The following RUSC2 variants were observed in gnomAD, a reference collection of about 807,000 sequenced individuals.
The protein encoded by RUSC2 is RUN and SH3 domain containing 2, also known as AP-4 complex accessory subunit RUSC2.
A neutral mutation model predicts 122.2 loss-of-function variants in RUSC2; 34 were observed. That is an observed-to-expected ratio of 0.28 (90% CI 0.21 to 0.37). The LOEUF (loss-of-function observed/expected upper bound fraction) is 0.37. Among genes scored for constraint, RUSC2 ranks in the 10% least tolerant of loss-of-function variants. RUSC2 has a pLI of 1.00. For synonymous variants in RUSC2, 784 were observed against 790.0 expected (o/e 0.99, Z 0.13); for missense variants, 1,747 against 1,952.4 (o/e 0.89, Z 1.98).
intron 2 of RUSC2, 142 bp from the exon 3 acceptor site, chr9:35,554,918 C>G: frequency 3.5e-6 from 3 of 855,528 alleles, no homozygotes; most frequent in Non-Finnish European, 5.6e-6. Flanking sequence ...GAGCAGTGTC[C>G]CATTCCACGA....
rs571729916 is a variant in RUSC2, at chr9:35,556,994, G to A, written c.2983+546G>A. ...TCACGCTCCGGTCCCTTCCTGCAGTGAGCAAAGTCTCATGAGGAGGCTTCC... is the reference window on the plus strand; with the variant it reads ...TCACGCTCCGGTCCCTTCCTGCAGTAAGCAAAGTCTCATGAGGAGGCTTCC... On this transcript the variant is annotated intron_variant, in intron 5 of 11. Transcript: ENST00000361226. Among the ~76,000 whole-genome samples, 319 of 152,236 alleles carry A rather than the reference G, an allele frequency of 2.1e-3. 1 individual carries two copies. The highest frequency in any genetic ancestry group is 7.3e-3 in the African/African-American group (305 of 41,538).
chr9:35,558,317 A>G lies in RUSC2; in HGVS notation c.3181A>G (p.Ile1061Val). 1 of 1,614,166 alleles carries G rather than the reference A, an allele frequency of 6.2e-7. No homozygotes were observed. The highest frequency in any genetic ancestry group is 1.1e-5 in the South Asian group (1 of 91,082). ...CAAGGCCTTTGTACTGGACGTCATC[A>G]TCGGGCAGCGTAAGAACATGCCATG... ...GLKAFVLDVI[I>V]GQRKNMPWSV... Residue 1061 changes from isoleucine (I) to valine (V), a missense_variant, in exon 7 of 12, where the codon ATC (isoleucine) becomes GTC (valine). Ile to Val is a conservative substitution (Grantham distance 29, BLOSUM62 3). Coordinates refer to ENST00000361226, the MANE Select transcript of RUSC2 (RefSeq NM_014806.5). The surrounding 1 kb of genome is among the most constrained non-coding windows in gnomAD (Gnocchi z 4.3).
chr9:35,503,220 T>G (rs1238652548), intron 1 of RUSC2, among the ~76,000 whole-genome samples: 1 of 152,128 alleles, frequency 6.6e-6, no homozygotes, highest in Non-Finnish European at 1.5e-5. Flanking sequence ...CTGAGCAGTG[T>G]ACACTATGCC....
chr9:35,518,576 G>A (rs1309997231), intron 1 of RUSC2, among the ~76,000 whole-genome samples: 1 of 152,134 alleles, frequency 6.6e-6, no homozygotes, highest in East Asian at 1.9e-4. Flanking sequence ...AAGTCCCTAG[G>A]ACCCCAGTCT....
Position 35,496,608 on chromosome 9 carries a change from A to G in RUSC2, c.-93+6436A>G, listed in dbSNP as rs373442763. Among the ~76,000 whole-genome samples, 11 of 152,272 alleles carry G rather than the reference A, an allele frequency of 7.2e-5. No homozygotes were observed. In the East Asian group the frequency reaches 1.9e-3, roughly 27 times the overall value. ...CCTATTTGAATATCCTAAATTTCCC[A>G]TAAGAGTTGTTATGAATGTAACATG... On this transcript the variant is annotated intron_variant, in intron 1 of 11. Coordinates refer to ENST00000361226, the MANE Select transcript of RUSC2 (RefSeq NM_014806.5).
chr9:35,543,760 C>T (rs902492764), intron 1 of RUSC2, among the ~76,000 whole-genome samples: 8 of 152,142 alleles, frequency 5.3e-5, no homozygotes, highest in Non-Finnish European at 1.0e-4. Flanking sequence ...TGAGCCACCA[C>T]GCCTGGCCTG....
At chr9:35,493,044 T>G (rs1820600330) in intron 1 of RUSC2, among the ~76,000 whole-genome samples, 1 of 152,284 alleles carries the variant, frequency 6.6e-6, no homozygotes, top group African/African-American at 2.4e-5. Context: ...GTTATATAGA[T>G]AAACTCATTT....
At chr9:35,531,506 A>G (rs1170761730) in intron 1 of RUSC2, among the ~76,000 whole-genome samples, 1 of 152,156 alleles carries the variant, frequency 6.6e-6, no homozygotes, top group Non-Finnish European at 1.5e-5. Flanking sequence ...GCAATAGAGG[A>G]AGTGGTTAAG....
chr9:35,545,746 CATACT>C (rs1821731088), intron 1 of RUSC2, among the ~76,000 whole-genome samples: 1 of 152,140 alleles, frequency 6.6e-6, no homozygotes, highest in Non-Finnish European at 1.5e-5. Context: ...TGACATCAGT[CATACT>C]TGCAGTCACC....
chr9:35,498,170 T>C (rs63371960), intron 1 of RUSC2, among the ~76,000 whole-genome samples: 70 of 142,788 alleles, frequency 4.9e-4, no homozygotes, highest in African/African-American at 1.4e-3. Flanking sequence ...TTTTTTTTTT[T>C]CCCAATTTGT....
chr9:35,502,738 G>A (rs1012463981), intron 1 of RUSC2, among the ~76,000 whole-genome samples: 4 of 152,178 alleles, frequency 2.6e-5, no homozygotes, highest in Non-Finnish European at 5.9e-5. Flanking sequence ...GTTTGAATGA[G>A]CCATAACTTG....
chr9:35,508,097 T>C (rs928175819), intron 1 of RUSC2, among the ~76,000 whole-genome samples: 20 of 152,186 alleles, frequency 1.3e-4, no homozygotes, highest in African/African-American at 4.8e-4. Context: ...ATGCTGTTGG[T>C]AGTCTTGACT....
chr9:35,499,785 C>T (rs1016580106), intron 1 of RUSC2, among the ~76,000 whole-genome samples: 23 of 152,092 alleles, frequency 1.5e-4, no homozygotes, highest in South Asian at 4.1e-4. Context: ...TTTTTATCCA[C>T]GCCCAGGCAA....
intron 1 of RUSC2, among the ~76,000 whole-genome samples, chr9:35,497,615 A>G (rs1820744762): frequency 6.6e-6 from 1 of 152,214 alleles, no homozygotes; most frequent in Admixed American, 6.5e-5. Flanking sequence ...TTATACCCCA[A>G]GAAGATCTCC....
intron 2 of RUSC2, among the ~76,000 whole-genome samples, chr9:35,551,516 T>G (rs1166311680): frequency 6.6e-6 from 1 of 152,102 alleles, no homozygotes; most frequent in Non-Finnish European, 1.5e-5. Flanking sequence ...TAGACTGCAG[T>G]GTCTGTCTGC....
intron 1 of RUSC2, among the ~76,000 whole-genome samples, chr9:35,502,295 C>T (rs1043611246): frequency 1.3e-5 from 2 of 152,128 alleles, no homozygotes; most frequent in Non-Finnish European, 2.9e-5. Context: ...CAAACCCCAC[C>T]CCCTAAGAAA....
chr9:35,527,280 G>A (rs1821342718), intron 1 of RUSC2, among the ~76,000 whole-genome samples: 1 of 151,968 alleles, frequency 6.6e-6, no homozygotes, highest in South Asian at 2.1e-4. Context: ...TGGGACTACA[G>A]GTGTGCACCA....
Position 35,548,157 on chromosome 9 carries a change from G to T in RUSC2, c.1636G>T (p.Glu546Ter), listed in dbSNP as rs776211425. 1 of 1,613,162 alleles carries T rather than the reference G, an allele frequency of 6.2e-7. No homozygotes were observed. Among genetic ancestry groups the T allele is most frequent in the African/African-American group, 1.3e-5 (1 of 74,952 alleles). Residue 546 changes from glutamate (E) to a stop codon, truncating the protein, a stop_gained, in exon 2 of 12, where the codon GAG becomes TAG. Transcript: ENST00000361226. LOFTEE classifies it high-confidence loss of function. The surrounding 1 kb of genome is among the most constrained non-coding windows in gnomAD (Gnocchi z 4.5). ...SPPRRVTSFAELAKGRKKTGG... is the reference protein window; with the variant it reads ...SPPRRVTSFA The stretch of plus-strand genomic sequence containing the variant: ...ACCCAGGAGGGTCACCTCCTTTGCC[G>T]AGCTGGCCAAGGGCCGGAAGAAAAC...
At chr9:35,494,170 T>C (rs540891498) in intron 1 of RUSC2, among the ~76,000 whole-genome samples, 2 of 151,658 alleles carry the variant, frequency 1.3e-5, no homozygotes, top group South Asian at 4.2e-4. Context: ...TTTTTTTAAA[T>C]AACAACCATC....
Sources: allele counts gnomAD v4.1 joint callset (sites outside exome capture counted in the v4.1 genomes callset), GRCh38; gene constraint gnomAD v4.1.1; non-coding constraint Gnocchi (gnomAD v3.1); transcripts MANE v1.5; gene names NCBI Gene and HGNC (gene_info 2026-07-23, HGNC 2026-07-21).